SLC24A1: variants seen among roughly 807,000 people sequenced by gnomAD.
The protein encoded by SLC24A1 is sodium/potassium/calcium exchanger 1.
Under a neutral mutation model 88.1 loss-of-function variants are expected in SLC24A1, and 52 were observed. The observed-to-expected ratio is 0.59, with a 90% CI of 0.47 to 0.74. The LOEUF (loss-of-function observed/expected upper bound fraction) is 0.74. SLC24A1 is among the 30% of genes least tolerant of loss of function. The probability of loss-of-function intolerance (pLI) is 0.00; values close to 1 mark genes in which losing one functional copy is unlikely to be tolerated. For synonymous variants in SLC24A1, 455 were observed against 498.0 expected (o/e 0.91, Z 1.15); for missense variants, 1,173 against 1,363.3 (o/e 0.86, Z 2.20).
chr15:65,614,357 A>G (rs1345672958), intron 2 of SLC24A1, among the ~76,000 whole-genome samples: 1 of 152,190 alleles, frequency 6.6e-6, no homozygotes, highest in Non-Finnish European at 1.5e-5. Context: ...AATTAACAAT[A>G]AATCCCTAAT....
At chr15:65,657,537 G>A (rs2075724845), downstream of SLC24A1, among the ~76,000 whole-genome samples, 1 of 152,162 alleles carries the variant, frequency 6.6e-6, no homozygotes, top group South Asian at 2.1e-4. Context: ...CAGCTACTCG[G>A]GAGGCTGAGG....
At chr15:65,615,908 G>A (rs898013098) in intron 2 of SLC24A1, among the ~76,000 whole-genome samples, 79 of 73,642 alleles carry the variant, frequency 1.1e-3, no homozygotes, top group African/African-American at 3.9e-3. Context: ...GCCCCAGTGT[G>A]TGATGTTCCC....
chr15:65,645,721 GC>G lies in SLC24A1; in HGVS notation c.2232+19del. 6.5e-7 allele frequency: 1 copy of G among 1,543,968 alleles called. No individual in the cohort carries two copies. The highest frequency in any genetic ancestry group is 1.2e-5 in the South Asian group (1 of 84,062). Reference sequence around the variant, plus strand: ...GCGGTCAGGTAGGCACCCAGCCTTGGCACAGACAAAATTGGAGAGGTCTAGG... The same window carrying G: ...GCGGTCAGGTAGGCACCCAGCCTTGGACAGACAAAATTGGAGAGGTCTAGG... On this transcript the variant is annotated intron_variant, in intron 6 of 9. Coordinates refer to ENST00000261892, the MANE Select transcript of SLC24A1 (RefSeq NM_004727.3).
In SLC24A1 at chr15:65,625,838, C is replaced by T. The variant is rs1305481562; in HGVS notation, c.1758C>T (p.Ser586=). Residue 586 remains serine (S), a synonymous_variant, in exon 2 of 10, where the codon AGC becomes AGT. Coordinates refer to ENST00000261892, the MANE Select transcript of SLC24A1 (RefSeq NM_004727.3). ...ACAGCCTCATTGCCTGGTGGGAGAG[C>T]CTGCTGCTGCTGCTGGCCTATGCCT... ...FLDSLIAWWE[S]LLLLLAYAFY... The T allele has an allele frequency of 3.7e-6, 6 of 1,613,402 alleles. No individual in the cohort carries two copies. The East Asian group carries it at 1.1e-4, about 30-fold the overall frequency.
intron 2 of SLC24A1, 28 bp downstream of exon 2, chr15:65,625,998 T>G: frequency 6.5e-7 from 1 of 1,530,268 alleles, no homozygotes; most frequent in Non-Finnish European, 9.1e-7. Context: ...CAGGTTTCTC[T>G]AGCCCCTTTG....
At chr15:65,638,095 A>G in intron 2 of SLC24A1, 33 bp from the exon 3 acceptor site, 1 of 1,558,612 alleles carries the variant, frequency 6.4e-7, no homozygotes, top group Non-Finnish European at 8.8e-7. Flanking sequence ...GGGTCTCGCC[A>G]CAACATCTCG....
chr15:65,638,193 A>G lies in SLC24A1; in HGVS notation c.1944+12A>G, dbSNP rs201277388. On this transcript the variant is annotated intron_variant, in intron 3 of 9. Transcript: ENST00000261892. ...ACAAGAAGCTGAAGGTGGGTGCCGT[A>G]TGGAGTCTGCCCAGTGGGGACACTG... 3 of 1,587,720 alleles carry G rather than the reference A, an allele frequency of 1.9e-6. No homozygotes were observed. The East Asian group carries it at 6.7e-5, about 36-fold the overall frequency.
intron 2 of SLC24A1, among the ~76,000 whole-genome samples, chr15:65,633,002 T>G (rs1302173029): frequency 6.6e-6 from 1 of 152,184 alleles, no homozygotes; most frequent in East Asian, 1.9e-4. Flanking sequence ...GATTTAGTAC[T>G]GCAGAGAGCC....
At chr15:65,645,503 A>G in intron 5 of SLC24A1, 109 bp from the exon 6 acceptor site, 2 of 807,552 alleles carry the variant, frequency 2.5e-6, no homozygotes, top group Non-Finnish European at 4.2e-6. Flanking sequence ...ATAAACCTTC[A>G]GAAACCCTGA....
At chr15:65,631,679 C>T (rs1298779320) in intron 2 of SLC24A1, among the ~76,000 whole-genome samples, 1 of 152,130 alleles carries the variant, frequency 6.6e-6, no homozygotes, top group African/African-American at 2.4e-5. Flanking sequence ...TACAGAATAC[C>T]ACTGGAGAAG....
chr15:65,624,573 A>G lies in SLC24A1; in HGVS notation c.493A>G (p.Lys165Glu), dbSNP rs1196215757. The G allele has an allele frequency of 6.3e-7, 1 of 1,595,412 alleles. No individual in the cohort carries two copies. The highest frequency in any genetic ancestry group is 8.5e-7 in the Non-Finnish European group (1 of 1,170,844). ...AACTTCAAGCAGACAAATAGTAAAA[A>G]AGTATACCCCAACACCCAGGGGAGA... ...TSTSSRQIVK[K>E]YTPTPRGEMK... The change falls in exon 2 of 10, where the codon AAG becomes GAG. Residue 165 changes from lysine to glutamate, a missense_variant. By Grantham distance (56) the Lys-to-Glu change is moderately conservative (BLOSUM62 1). Coordinates refer to ENST00000261892, the MANE Select transcript of SLC24A1 (RefSeq NM_004727.3).
intron 2 of SLC24A1, among the ~76,000 whole-genome samples, chr15:65,626,408 G>A (rs10468033): frequency 3.3e-5 from 5 of 152,190 alleles, no homozygotes; most frequent in Non-Finnish European, 5.9e-5. Context: ...TGTGCATGGC[G>A]TTCAGGGTTT....
chr15:65,659,502 AT>A (rs2075791552), downstream of SLC24A1: 1 of 150,914 alleles, frequency 6.6e-6, no homozygotes. Context: ...TACCGAGCAA[AT>A]TTAAAAAATT....
intron 2 of SLC24A1, among the ~76,000 whole-genome samples, chr15:65,614,763 G>T (rs912842241): frequency 6.6e-6 from 1 of 152,164 alleles, no homozygotes; most frequent in Non-Finnish European, 1.5e-5. Flanking sequence ...GATCCCCCAG[G>T]GTCTGGCATG....
intron 9 of SLC24A1, among the ~76,000 whole-genome samples, chr15:65,653,426 A>T (rs1424152236): frequency 4.6e-5 from 7 of 152,010 alleles, no homozygotes; most frequent in Admixed American, 4.6e-4. Context: ...AAAGAAATGT[A>T]GGCCTTATCA....
In SLC24A1 at chr15:65,652,706, C is replaced by T. The variant is rs1284649630; in HGVS notation, c.2948C>T (p.Ser983Leu). 6.2e-7 allele frequency: 1 copy of T among 1,613,932 alleles called. No individual in the cohort carries two copies. The highest frequency in any genetic ancestry group is 8.5e-7 in the Non-Finnish European group (1 of 1,179,842). The change falls in exon 9 of 10, where the codon TCA (serine) becomes TTA (leucine). Residue 983 changes from serine to leucine, a missense_variant. By Grantham distance (145) the Ser-to-Leu change is moderately radical. Transcript: ENST00000261892. ...CTGACAATCCTTGCAGCAGGCACAT[C>T]AATTCCTGACCTCATCACCAGTGTG... is the stretch of plus-strand genomic sequence containing the variant. ...MGLTILAAGT[S>L]IPDLITSVIV...
intron 2 of SLC24A1, among the ~76,000 whole-genome samples, chr15:65,628,915 G>A (rs1234875332): frequency 3.9e-5 from 6 of 152,182 alleles, no homozygotes; most frequent in African/African-American, 9.7e-5. Flanking sequence ...TAGGTTGCTC[G>A]TCTGTAAAGT....
At chr15:65,621,477 T>C (rs2074316572), upstream of SLC24A1, among the ~76,000 whole-genome samples, 1 of 152,234 alleles carries the variant, frequency 6.6e-6, no homozygotes, top group Non-Finnish European at 1.5e-5. Flanking sequence ...GTGTTTTCTC[T>C]ATAATCTTTG....
At chr15:65,648,789 C>T (rs1198307250) in intron 6 of SLC24A1, among the ~76,000 whole-genome samples, 4 of 152,062 alleles carry the variant, frequency 2.6e-5, no homozygotes, top group African/African-American at 9.7e-5. Flanking sequence ...TGTGAGCCAC[C>T]GTGCCCAGCC....
Sources: allele counts gnomAD v4.1 joint callset (sites outside exome capture counted in the v4.1 genomes callset), GRCh38; gene constraint gnomAD v4.1.1; transcripts MANE v1.5; gene names NCBI Gene and HGNC (gene_info 2026-07-23, HGNC 2026-07-21).